Variants in RHOBTB1 observed in about 807,000 individuals in gnomAD.
RHOBTB1 encodes the protein Rho related BTB domain containing 1.
A neutral mutation model predicts 71.6 loss-of-function variants in RHOBTB1; 40 were observed. The ratio of observed to expected loss-of-function variants is 0.56; its 90% confidence interval spans 0.43 to 0.73. RHOBTB1 has a LOEUF of 0.73. Ranked by LOEUF, RHOBTB1 falls within the 30% of genes least tolerant of loss-of-function variation. The pLI is 0.00. For missense variants in RHOBTB1, 797 were observed against 894.0 expected (o/e 0.89, Z 1.38); for synonymous variants, 319 against 334.9 (o/e 0.95, Z 0.52).
At chr10:60,867,020 T>A (rs148018861), downstream of RHOBTB1, among the ~76,000 whole-genome samples, 67 of 152,278 alleles carry the variant, frequency 4.4e-4, no homozygotes, top group East Asian at 0.012. Flanking sequence ...ATTTCATTTG[T>A]GTTTCGCTTC....
At chr10:60,955,707 T>C (rs1181084525) in intron 2 of RHOBTB1, among the ~76,000 whole-genome samples, 1 of 152,182 alleles carries the variant, frequency 6.6e-6, no homozygotes, top group African/African-American at 2.4e-5. Context: ...ATTTGTGGTC[T>C]ACAATGTGTC....
chr10:60,926,486 A>T (rs1359262348), intron 2 of RHOBTB1, among the ~76,000 whole-genome samples: 2 of 152,186 alleles, frequency 1.3e-5, no homozygotes, highest in African/African-American at 4.8e-5. Flanking sequence ...CCTCAATATA[A>T]TGCTAGCAAA....
At chr10:60,925,924 C>T (rs1053412397) in intron 2 of RHOBTB1, among the ~76,000 whole-genome samples, 1 of 152,110 alleles carries the variant, frequency 6.6e-6, no homozygotes, top group African/African-American at 2.4e-5. Flanking sequence ...TAAAAAGTCT[C>T]CCATCAAATA....
At chr10:60,932,624 G>GTA (rs2084328276) in intron 2 of RHOBTB1, among the ~76,000 whole-genome samples, 2 of 151,550 alleles carry the variant, frequency 1.3e-5, no homozygotes, top group Admixed American at 6.6e-5. Flanking sequence ...GGGAAGCTTT[G>GTA]TCAAGAATTA....
Position 60,870,856 on chromosome 10 carries a change from A to G in RHOBTB1, c.*626T>C, listed in dbSNP as rs1053965435. On this transcript the variant is annotated 3_prime_UTR_variant, in exon 11 of 11. Transcript: ENST00000337910. ...AACCATATAATTACCAGCACTTAAC[A>G]TGGCAAATATTGTAAATACACATTC... 2.0e-5 allele frequency: 3 copies of G among 152,702 alleles called. No individual in the cohort carries two copies. Among genetic ancestry groups the G allele is most frequent in the Non-Finnish European group, 4.4e-5 (3 of 68,054 alleles). The allele number at this position is 152,702 out of a possible 1,614,324, so 9.5% of individuals were successfully genotyped here. A position where few individuals can be genotyped will look rare whatever the true frequency, so the allele number is the denominator to read the frequency against.
At chr10:60,978,330 C>T (rs2086381843) in intron 2 of RHOBTB1, among the ~76,000 whole-genome samples, 1 of 152,098 alleles carries the variant, frequency 6.6e-6, no homozygotes, top group African/African-American at 2.4e-5. Context: ...ATCTCCAACC[C>T]CATATTTAAA....
At chr10:60,893,756 A>G (rs1459465575) in intron 4 of RHOBTB1, among the ~76,000 whole-genome samples, 1 of 152,230 alleles carries the variant, frequency 6.6e-6, no homozygotes, top group East Asian at 1.9e-4. Context: ...AAATTTTGAC[A>G]TAAGGGTCTT....
upstream of RHOBTB1, among the ~76,000 whole-genome samples, chr10:60,945,332 GGGATACAAAGAT>G (rs1186752209): frequency 6.6e-6 from 1 of 152,168 alleles, no homozygotes; most frequent in African/African-American, 2.4e-5. Flanking sequence ...CAGAGAGCTA[GGGATACAAAGAT>G]GGAAACAATG....
At chr10:60,919,850 A>G (rs1299163346) in intron 2 of RHOBTB1, among the ~76,000 whole-genome samples, 2 of 152,252 alleles carry the variant, frequency 1.3e-5, no homozygotes, top group African/African-American at 2.4e-5. Context: ...GAGATGAACC[A>G]AGATTAGAAA....
At chr10:60,937,296 G>A (rs1457645245) in intron 2 of RHOBTB1, among the ~76,000 whole-genome samples, 1 of 152,102 alleles carries the variant, frequency 6.6e-6, no homozygotes, top group African/African-American at 2.4e-5. Flanking sequence ...AAATTGTGGT[G>A]TTTATGCTTT....
At chr10:60,939,834 G>A (rs1024905941) in intron 2 of RHOBTB1, among the ~76,000 whole-genome samples, 3 of 152,078 alleles carry the variant, frequency 2.0e-5, no homozygotes, top group Admixed American at 1.3e-4. Flanking sequence ...ACTAACCAAA[G>A]CCTTATGAAG....
chr10:60,873,412 C>T (rs867542077), intron 9 of RHOBTB1, among the ~76,000 whole-genome samples: 6 of 152,326 alleles, frequency 3.9e-5, no homozygotes, highest in East Asian at 1.9e-4. Flanking sequence ...ACCAGCACAT[C>T]ACTAGGTTAG....
At chr10:60,868,917 T>C (rs533008658), downstream of RHOBTB1, among the ~76,000 whole-genome samples, 82 of 152,358 alleles carry the variant, frequency 5.4e-4, 2 homozygotes, top group South Asian at 0.016. Flanking sequence ...CATACAGTTA[T>C]GGGTAGCCTG....
In RHOBTB1 at chr10:60,888,915, C is replaced by T; in HGVS notation, c.753G>A (p.Met251Ile). ...GTAAACAGGCAGCTTCATTTGTCCCCATGGAAGGACACTCTGGAATTTTGA... is the reference window on the plus strand; with the variant it reads ...GTAAACAGGCAGCTTCATTTGTCCCTATGGAAGGACACTCTGGAATTTTGA... ...PVIKIPECPSMGTNEAACLLD... is the reference protein window; with the variant it reads ...PVIKIPECPSIGTNEAACLLD... The change falls in exon 6 of 11, where the codon ATG (methionine) becomes ATA (isoleucine). Residue 251 changes from methionine (M) to isoleucine (I), a missense_variant. Transcript: ENST00000337910. The T allele has an allele frequency of 2.5e-6, 4 of 1,614,172 alleles. No homozygotes were observed. The highest frequency in any genetic ancestry group is 3.4e-6 in the Non-Finnish European group (4 of 1,180,026).
rs1173958576 is a variant in RHOBTB1, at chr10:60,869,911, C to T, written c.*1571G>A. ...GTTTCCACTGCCAGTAATAAATGCC[C>T]ATCTGTAATCTAGATAGATTTTCAA... On this transcript the variant is annotated 3_prime_UTR_variant, in exon 11 of 11. Transcript: ENST00000337910. The T allele has an allele frequency of 2.6e-5, 4 of 152,550 alleles. No homozygotes were observed. Among genetic ancestry groups the T allele is most frequent in the African/African-American group, 9.7e-5 (4 of 41,418 alleles). 9.4% of individuals were successfully genotyped at this position (152,550 alleles called of 1,614,324 possible). A position where few individuals can be genotyped will look rare whatever the true frequency, so the allele number is the denominator to read the frequency against.
chr10:60,987,300 C>G (rs2086698322), intron 1 of RHOBTB1, among the ~76,000 whole-genome samples: 1 of 152,172 alleles, frequency 6.6e-6, no homozygotes, highest in South Asian at 2.1e-4. Flanking sequence ...CTCCACTTGG[C>G]AGCAATTTTA....
chr10:60,875,943 A>G (rs2081032203), intron 8 of RHOBTB1, among the ~76,000 whole-genome samples: 1 of 152,204 alleles, frequency 6.6e-6, no homozygotes, highest in South Asian at 2.1e-4. Flanking sequence ...CATCTGTAGC[A>G]TTGCATTTGT....
chr10:60,908,687 C>T (rs1018785678), intron 4 of RHOBTB1, among the ~76,000 whole-genome samples: 14 of 152,272 alleles, frequency 9.2e-5, no homozygotes, highest in African/African-American at 3.4e-4. Flanking sequence ...AACTTTTTGG[C>T]ATTACGTCAA....
At chr10:60,881,835 C>G (rs1177682656) in intron 7 of RHOBTB1, among the ~76,000 whole-genome samples, 1 of 152,134 alleles carries the variant, frequency 6.6e-6, no homozygotes, top group Admixed American at 6.6e-5. Flanking sequence ...CAGCCCTGCC[C>G]AAACACCCTC....
Sources: allele counts gnomAD v4.1 joint callset (sites outside exome capture counted in the v4.1 genomes callset), GRCh38; gene constraint gnomAD v4.1.1; transcripts MANE v1.5; gene names NCBI Gene and HGNC (gene_info 2026-07-23, HGNC 2026-07-21).